The following DPYD variants were observed in gnomAD, a reference collection of about 807,000 sequenced individuals.
The protein encoded by DPYD is dihydropyrimidine dehydrogenase.
In DPYD, 109 loss-of-function variants were observed where a neutral mutation model predicts 116.2. The observed-to-expected ratio is 0.94, with a 90% CI of 0.80 to 1.10. DPYD has a LOEUF of 1.10. Among genes scored for constraint, DPYD ranks in the 50% least tolerant of loss-of-function variants. DPYD has a pLI of 0.00. For missense variants in DPYD, 1,302 were observed against 1,254.5 expected (o/e 1.04, Z -0.57); for synonymous variants, 440 against 432.0 (o/e 1.02, Z -0.23).
At chr1:97,695,581 G>A (rs920309761) in intron 6 of DPYD, among the ~76,000 whole-genome samples, 2 of 151,086 alleles carry the variant, frequency 1.3e-5, no homozygotes, top group East Asian at 3.9e-4. Flanking sequence ...CCAGCACATA[G>A]TTAAGTGATC....
At chr1:97,591,554 T>C (rs529038264) in intron 10 of DPYD, among the ~76,000 whole-genome samples, 2 of 152,326 alleles carry the variant, frequency 1.3e-5, no homozygotes, top group East Asian at 1.9e-4. Flanking sequence ...GTCTTAGTTC[T>C]ACCTAAGACA....
chr1:97,362,599 AG>A (rs1303935189), intron 16 of DPYD, among the ~76,000 whole-genome samples: 2 of 152,210 alleles, frequency 1.3e-5, no homozygotes, highest in Non-Finnish European at 2.9e-5. Context: ...TGGTACCAAA[AG>A]AGCTATATAG....
At chr1:97,547,193 T>C (rs1215108497) in intron 12 of DPYD, among the ~76,000 whole-genome samples, 3 of 152,078 alleles carry the variant, frequency 2.0e-5, no homozygotes, top group South Asian at 2.1e-4. Flanking sequence ...ATTTATTTCA[T>C]CTGCAAATGA....
intron 2 of DPYD, among the ~76,000 whole-genome samples, chr1:97,828,657 T>C (rs1669372313): frequency 6.6e-6 from 1 of 151,084 alleles, no homozygotes; most frequent in Non-Finnish European, 1.5e-5. Context: ...GATGAAGGGA[T>C]AGAGCACAGA....
chr1:97,590,434 T>C (rs2102243118), intron 10 of DPYD, among the ~76,000 whole-genome samples: 1 of 152,270 alleles, frequency 6.6e-6, no homozygotes, highest in South Asian at 2.1e-4. Context: ...TTGAATCTTT[T>C]ATAGGTAGCA....
intron 3 of DPYD, among the ~76,000 whole-genome samples, chr1:97,819,384 T>C (rs1034215): frequency 0.77 from 116,161 of 151,712 alleles, 44,905 homozygotes; most frequent in East Asian, 0.98. Context: ...GCTCAAACTT[T>C]TCAAGTAGTT....
At chr1:97,242,166 A>G (rs1662412655) in intron 18 of DPYD, among the ~76,000 whole-genome samples, 1 of 115,102 alleles carries the variant, frequency 8.7e-6, no homozygotes, top group Non-Finnish European at 1.8e-5. Context: ...ATATATATAT[A>G]TATATCTTCT....
intron 20 of DPYD, among the ~76,000 whole-genome samples, chr1:97,153,485 C>A (rs1247270288): frequency 6.6e-6 from 1 of 151,956 alleles, no homozygotes; most frequent in Admixed American, 6.6e-5. Flanking sequence ...TCTCACCTTA[C>A]ACAAAAATCA....
At chr1:97,161,563 A>C (rs1655897819) in intron 20 of DPYD, among the ~76,000 whole-genome samples, 1 of 151,672 alleles carries the variant, frequency 6.6e-6, no homozygotes, top group Non-Finnish European at 1.5e-5. Flanking sequence ...TCTTTTTTAA[A>C]TTTAATTTAA....
At chr1:97,191,795 C>T (rs1038946687) in intron 20 of DPYD, among the ~76,000 whole-genome samples, 3 of 152,044 alleles carry the variant, frequency 2.0e-5, no homozygotes, top group Non-Finnish European at 2.9e-5. Flanking sequence ...ATTGTAAAGT[C>T]ATTTGTGAAT....
intron 3 of DPYD, among the ~76,000 whole-genome samples, chr1:97,756,136 C>T (rs936371597): frequency 2.6e-5 from 4 of 152,078 alleles, no homozygotes; most frequent in South Asian, 2.1e-4. Context: ...AGGGGGAACA[C>T]AGAAGGGAAG....
At chr1:97,677,644 A>C (rs1383790489) in intron 8 of DPYD, among the ~76,000 whole-genome samples, 1 of 152,186 alleles carries the variant, frequency 6.6e-6, no homozygotes, top group African/African-American at 2.4e-5. Flanking sequence ...ATTGTAATTA[A>C]GATCATACAG....
At chr1:97,138,502 T>C (rs943556148) in intron 20 of DPYD, among the ~76,000 whole-genome samples, 1 of 152,094 alleles carries the variant, frequency 6.6e-6, no homozygotes, top group Admixed American at 6.6e-5. Context: ...TAAATAGAAG[T>C]AACTGAAAAC....
chr1:97,255,908 A>G (rs1223493361), intron 18 of DPYD, among the ~76,000 whole-genome samples: 1 of 152,074 alleles, frequency 6.6e-6, no homozygotes, highest in African/African-American at 2.4e-5. Flanking sequence ...GGGCTTGAGA[A>G]GTCAAGTTCA....
intron 5 of DPYD, among the ~76,000 whole-genome samples, chr1:97,699,815 C>T (rs1661495072): frequency 6.6e-6 from 1 of 151,918 alleles, no homozygotes; most frequent in Admixed American, 6.6e-5. Flanking sequence ...CATTAAGTGC[C>T]TCTCCTCTAA....
rs66629750 is a variant in DPYD, at chr1:97,314,490, C to CTTTT, written c.2059-8197_2059-8194dup. On this transcript the variant is annotated intron_variant, in intron 16 of 22. Coordinates refer to ENST00000370192, the MANE Select transcript of DPYD (RefSeq NM_000110.4). ...CATTCCACTTAGTCGCTAAAGCTTT[C>CTTTT]TTTTTTTTTTTTTTTTTTTTTACAA... Among the ~76,000 whole-genome samples the CTTTT allele has an allele frequency of 4.4e-4, 54 of 123,352 alleles. 2 individuals are homozygous for CTTTT. Among genetic ancestry groups the CTTTT allele is most frequent in the East Asian group, 7.2e-4 (3 of 4,138 alleles). The allele number at this position is 123,352 out of a possible 152,430, so 80.9% of individuals were successfully genotyped here. A position where few individuals can be genotyped will look rare whatever the true frequency, so the allele number is the denominator to read the frequency against.
At chr1:97,749,685 C>CAGTG (rs1293558917) in intron 3 of DPYD, among the ~76,000 whole-genome samples, 1 of 152,126 alleles carries the variant, frequency 6.6e-6, no homozygotes, top group Non-Finnish European at 1.5e-5. Context: ...GTATTTTTTA[C>CAGTG]AGTCCAATCA....
chr1:97,126,013 A>C (rs1434056846), intron 20 of DPYD, among the ~76,000 whole-genome samples: 2 of 152,168 alleles, frequency 1.3e-5, no homozygotes, highest in African/African-American at 4.8e-5. Flanking sequence ...TTACTGGCTA[A>C]GTACAAAAAG....
chr1:97,565,423 A>G (rs932217036), intron 11 of DPYD, among the ~76,000 whole-genome samples: 13 of 151,978 alleles, frequency 8.6e-5, no homozygotes, highest in African/African-American at 2.9e-4. Context: ...CAAAATCCCT[A>G]CTTTAGCATA....
Sources: allele counts gnomAD v4.1 joint callset (sites outside exome capture counted in the v4.1 genomes callset), GRCh38; gene constraint gnomAD v4.1.1; transcripts MANE v1.5; gene names NCBI Gene and HGNC (gene_info 2026-07-23, HGNC 2026-07-21).